SLC18A1: variants seen among roughly 807,000 people sequenced by gnomAD.
SLC18A1 encodes solute carrier family 18 member A1, also known as chromaffin granule amine transporter.
Under a neutral mutation model 53.7 loss-of-function variants are expected in SLC18A1, and 69 were observed. The observed-to-expected ratio is 1.28, with a 90% CI of 1.06 to 1.57. SLC18A1 has a LOEUF of 1.57. Ranked by LOEUF, SLC18A1 falls within the 40% of genes most tolerant of loss-of-function variation. SLC18A1 has a pLI of 0.00. For synonymous variants in SLC18A1, 320 were observed against 248.1 expected, an observed-to-expected ratio of 1.29 and a Z score of -2.72; for missense variants, 932 against 668.1, an observed-to-expected ratio of 1.40 and a Z score of -4.35.
intron 10 of SLC18A1, among the ~76,000 whole-genome samples, chr8:20,163,143 G>C (rs548135564): frequency 2.0e-5 from 3 of 152,230 alleles, no homozygotes; most frequent in African/African-American, 2.4e-5. Flanking sequence ...CTGGTTGCTG[G>C]ATCATAACAT....
intron 10 of SLC18A1, among the ~76,000 whole-genome samples, chr8:20,160,581 A>G (rs1043192490): frequency 3.3e-5 from 5 of 152,142 alleles, no homozygotes; most frequent in African/African-American, 1.2e-4. Context: ...TACTGATAGT[A>G]TCCTGTATTC....
intron 3 of SLC18A1, among the ~76,000 whole-genome samples, chr8:20,178,905 G>A: frequency 6.6e-6 from 1 of 152,048 alleles, no homozygotes; most frequent in Non-Finnish European, 1.5e-5. Context: ...TCTCTTCTTG[G>A]TACTCAATAC....
At chr8:20,170,223 A>T (rs1367188879) in intron 8 of SLC18A1, among the ~76,000 whole-genome samples, 1 of 149,186 alleles carries the variant, frequency 6.7e-6, no homozygotes, top group Non-Finnish European at 1.5e-5. Context: ...CTCTGGGGGA[A>T]TTGGCACTCT....
intron 8 of SLC18A1, among the ~76,000 whole-genome samples, chr8:20,169,055 C>T (rs1223480373): frequency 1.3e-5 from 2 of 152,124 alleles, no homozygotes; most frequent in East Asian, 1.9e-4. Context: ...GTAATTACTA[C>T]ACAAGAGACC....
At chr8:20,151,239 G>A (rs1345988551) in intron 10 of SLC18A1, among the ~76,000 whole-genome samples, 2 of 149,662 alleles carry the variant, frequency 1.3e-5, no homozygotes, top group East Asian at 4.0e-4. Flanking sequence ...TGCCTGCCTT[G>A]GCCTCCCAAA....
rs2071776514 is a variant in SLC18A1, at chr8:20,159,741, T to G, written c.1015+5128A>C. Among the ~76,000 whole-genome samples, 2 of 151,082 alleles carry G rather than the reference T, an allele frequency of 1.3e-5. 1 individual carries two copies. Among genetic ancestry groups the G allele is most frequent in the South Asian group, 4.2e-4 (2 of 4,752 alleles). ...TCTACCAGACAGGCCAGTTGTGAGG[T>G]TTAAACAAAATAGTGCATATCAAAC... On this transcript the variant is annotated intron_variant, in intron 10 of 15. Coordinates refer to ENST00000276373, the MANE Select transcript of SLC18A1 (RefSeq NM_003053.4).
At chr8:20,146,795 C>T (rs1382101505) in intron 15 of SLC18A1, among the ~76,000 whole-genome samples, 1 of 148,198 alleles carries the variant, frequency 6.7e-6, no homozygotes, top group Non-Finnish European at 1.5e-5. Flanking sequence ...TTACACTCCA[C>T]CCTGGGCAAC....
intron 6 of SLC18A1, 106 bp downstream of exon 6, chr8:20,172,930 A>G: frequency 1.3e-6 from 1 of 771,382 alleles, no homozygotes; most frequent in Non-Finnish European, 2.2e-6. Context: ...TTGAAATAGG[A>G]TGAGGCCAAC....
intron 4 of SLC18A1, chr8:20,176,011 C>G (rs2072242489): frequency 6.6e-6 from 1 of 152,140 alleles, no homozygotes; most frequent in Non-Finnish European, 1.5e-5. Flanking sequence ...ACTCAAAATA[C>G]CCCACAAAAA....
chr8:20,149,834 C>A, intron 11 of SLC18A1, 107 bp from the exon 12 acceptor site: 1 of 971,706 alleles, frequency 1.0e-6, no homozygotes, highest in South Asian at 1.4e-5. Flanking sequence ...TCCCAGCAAC[C>A]CCTTAGGACC....
At chr8:20,162,359 C>G (rs1195020773) in intron 10 of SLC18A1, among the ~76,000 whole-genome samples, 1 of 152,214 alleles carries the variant, frequency 6.6e-6, no homozygotes, top group East Asian at 1.9e-4. Flanking sequence ...TGCTTGGCCA[C>G]AGTCTTGGTG....
intron 10 of SLC18A1, among the ~76,000 whole-genome samples, chr8:20,163,029 A>G (rs1389106778): frequency 6.6e-6 from 1 of 152,162 alleles, no homozygotes; most frequent in Non-Finnish European, 1.5e-5. Flanking sequence ...AGAATACCAG[A>G]GTGCATGATT....
At chr8:20,178,710 C>G (rs1205490712) in intron 3 of SLC18A1, among the ~76,000 whole-genome samples, 2 of 152,166 alleles carry the variant, frequency 1.3e-5, no homozygotes, top group Non-Finnish European at 2.9e-5. Flanking sequence ...CCAAAATTCT[C>G]ATTTCCAGAA....
intron 10 of SLC18A1, among the ~76,000 whole-genome samples, chr8:20,158,688 G>A (rs139005617): frequency 3.3e-5 from 5 of 152,198 alleles, no homozygotes; most frequent in East Asian, 1.9e-4. Flanking sequence ...GAAACCCAAC[G>A]GACAGTGGAG....
chr8:20,183,105 C>A lies in SLC18A1; in HGVS notation c.-166G>T, dbSNP rs976257838. 2 of 152,190 alleles carry A rather than the reference C, an allele frequency of 1.3e-5. No homozygotes were observed. The highest frequency in any genetic ancestry group is 2.9e-5 in the Non-Finnish European group (2 of 68,040). The allele number at this position is 152,190 out of a possible 1,614,324, so 9.4% of individuals were successfully genotyped here. A position where few individuals can be genotyped will look rare whatever the true frequency, so the allele number is the denominator to read the frequency against. Reference sequence around the variant, plus strand: ...TGTGAGGCACTCAGTGAGGTATTGGCAGCTGTTAGCAAGACAGCAGGGACA... The same window carrying A: ...TGTGAGGCACTCAGTGAGGTATTGGAAGCTGTTAGCAAGACAGCAGGGACA... On this transcript the variant is annotated 5_prime_UTR_variant, in exon 1 of 16. Transcript: ENST00000276373.
chr8:20,180,805 C>G lies in SLC18A1; in HGVS notation c.124+36G>C, dbSNP rs2072405528. 3.7e-6 allele frequency: 6 copies of G among 1,611,456 alleles called. No individual in the cohort carries two copies. In the African/African-American group the frequency reaches 5.3e-5, roughly 14 times the overall value. ...GTACACTGCCTGCTGGGGCCCACAG[C>G]AAATTAACCCTCAGCACAAAGACCC... is the stretch of plus-strand genomic sequence containing the variant. On this transcript the variant is annotated intron_variant, in intron 2 of 15. Coordinates refer to ENST00000276373, the MANE Select transcript of SLC18A1 (RefSeq NM_003053.4).
intron 3 of SLC18A1, 49 bp from the exon 4 acceptor site, chr8:20,178,542 C>T (rs542460776): frequency 1.3e-5 from 17 of 1,334,450 alleles, no homozygotes; most frequent in Admixed American, 2.0e-5. Context: ...CAGGCACTCA[C>T]ATACATGGAC....
At chr8:20,165,615 CA>C (rs1257915386) in intron 8 of SLC18A1, among the ~76,000 whole-genome samples, 5 of 152,288 alleles carry the variant, frequency 3.3e-5, no homozygotes, top group African/African-American at 9.6e-5. Flanking sequence ...GTAGAAGAAG[CA>C]GGGTTAAAAT....
At chr8:20,150,535 G>A in intron 11 of SLC18A1, 131 bp downstream of exon 11, 1 of 796,088 alleles carries the variant, frequency 1.3e-6, no homozygotes, top group Non-Finnish European at 2.2e-6. Context: ...CTCCCAGTGG[G>A]AAGTTTTTAT....
Sources: gnomAD v4.1 joint callset for allele counts (sites outside exome capture counted in the v4.1 genomes callset) on GRCh38, gnomAD v4.1.1 for gene constraint, MANE v1.5 for transcripts, NCBI Gene and HGNC (gene_info 2026-07-23, HGNC 2026-07-21) for gene names.